The following ITSN1 variants were observed in gnomAD, a reference collection of about 807,000 sequenced individuals.
ITSN1 encodes intersectin 1.
Under a neutral mutation model 239.8 loss-of-function variants are expected in ITSN1, and 58 were observed. The observed-to-expected ratio is 0.24, with a 90% confidence interval of 0.20 to 0.30. The LOEUF (loss-of-function observed/expected upper bound fraction) is 0.30. ITSN1 is among the 10% of genes least tolerant of loss of function. The pLI, the probability that ITSN1 is intolerant of heterozygous loss-of-function variation, is 1.00. For synonymous variants in ITSN1, 780 were observed against 770.8 expected, an observed-to-expected ratio of 1.01 and a Z score of -0.20; for missense variants, 1,558 against 2,103.3, an observed-to-expected ratio of 0.74 and a Z score of 5.07.
chr21:33,739,562 T>TA (rs1165147192), intron 5 of ITSN1, among the ~76,000 whole-genome samples: 1 of 152,080 alleles, frequency 6.6e-6, no homozygotes, highest in Non-Finnish European at 1.5e-5. Flanking sequence ...ATAAGTTCAT[T>TA]AAAACAGAGT....
intron 4 of ITSN1, among the ~76,000 whole-genome samples, chr21:33,734,677 G>A (rs980283312): frequency 3.3e-5 from 5 of 152,122 alleles, no homozygotes; most frequent in African/African-American, 7.2e-5. Context: ...AAATTTACTC[G>A]TTTAAAGTAT....
At chr21:33,761,036 C>CTT (rs765976928) in intron 8 of ITSN1, among the ~76,000 whole-genome samples, 7 of 134,054 alleles carry the variant, frequency 5.2e-5, no homozygotes, top group African/African-American at 1.1e-4. Context: ...AGGAATTCTT[C>CTT]TTTTTTTTTT....
rs1045055324 is a variant in ITSN1 at position 33,897,959 on chromosome 21, G to A, written c.*9659G>A. ...AAATTTCAGTGTAATGGATGGTGGC[G>A]TGATCAAATGAAAAGTATCCTGTAG... On this transcript the variant is annotated 3_prime_UTR_variant, in exon 40 of 40. Transcript: ENST00000381318. 2 of 152,092 alleles carry A rather than the reference G, an allele frequency of 1.3e-5. No individual in the cohort carries two copies. The highest frequency in any genetic ancestry group is 6.6e-5 in the Admixed American group (1 of 15,264). The allele number at this position is 152,092 out of a possible 1,614,324, so 9.4% of individuals were successfully genotyped here. A position where few individuals can be genotyped will look rare whatever the true frequency, so the allele number is the denominator to read the frequency against.
chr21:33,672,892 C>T (rs1173912972), intron 1 of ITSN1, among the ~76,000 whole-genome samples: 1 of 151,902 alleles, frequency 6.6e-6, no homozygotes, highest in Non-Finnish European at 1.5e-5. Context: ...TTGTATTTTT[C>T]GTAGAGATAG....
At chr21:33,747,771 A>G (rs1045041416) in intron 5 of ITSN1, among the ~76,000 whole-genome samples, 1 of 152,248 alleles carries the variant, frequency 6.6e-6, no homozygotes, top group African/African-American at 2.4e-5. Flanking sequence ...TGACTTTTTC[A>G]AATAAACAAA....
chr21:33,834,506 T>C (rs1381732546), intron 28 of ITSN1, 82 bp downstream of exon 28: 3 of 996,364 alleles, frequency 3.0e-6, no homozygotes, highest in Non-Finnish European at 4.7e-6. Context: ...TTAAATATCT[T>C]AGGTTGTTTT....
At chr21:33,799,726 G>A in intron 18 of ITSN1, 82 bp from the exon 19 acceptor site, 3 of 1,451,498 alleles carry the variant, frequency 2.1e-6, no homozygotes, top group Non-Finnish European at 2.9e-6. Context: ...TAGAGGAGAG[G>A]TTAGTTGTTT....
intron 29 of ITSN1, among the ~76,000 whole-genome samples, chr21:33,850,590 C>T (rs1044958698): frequency 1.3e-5 from 2 of 152,212 alleles, no homozygotes; most frequent in Non-Finnish European, 2.9e-5. Context: ...GACAAGGACC[C>T]GGACTGCCTC....
In ITSN1 at chr21:33,715,344, G is replaced by T. The variant is rs558120864; in HGVS notation, c.-32-3453G>T. Among the ~76,000 whole-genome samples, 106 of 152,166 alleles carry T rather than the reference G, an allele frequency of 7.0e-4. 1 individual carries two copies. The South Asian group carries it at 0.015, about 21-fold the overall frequency. On this transcript the variant is annotated intron_variant, in intron 1 of 39. Coordinates refer to ENST00000381318, the MANE Select transcript of ITSN1 (RefSeq NM_003024.3). ...GTAAAGTAGCTGGATACAAAGAAGA[G>T]AAATCAATAACCTCTTTATTTTGCA...
At chr21:33,759,881 C>T (rs548146820) in intron 8 of ITSN1, among the ~76,000 whole-genome samples, 1 of 152,022 alleles carries the variant, frequency 6.6e-6, no homozygotes, top group Admixed American at 6.5e-5. Context: ...GGGTGGATCA[C>T]GTGAGGTCAG....
intron 1 of ITSN1, among the ~76,000 whole-genome samples, chr21:33,705,695 A>G (rs889180858): frequency 3.9e-5 from 6 of 152,076 alleles, no homozygotes; most frequent in African/African-American, 1.4e-4. Context: ...CCTGGCTAAA[A>G]CCTACATTTT....
chr21:33,796,073 CCTGCCT>C (rs1489413456), intron 17 of ITSN1, among the ~76,000 whole-genome samples: 12 of 151,950 alleles, frequency 7.9e-5, no homozygotes, highest in African/African-American at 2.7e-4. Flanking sequence ...AACCGACTCT[CCTGCCT>C]CAGCTTCCCA....
rs1184959164 is a variant in ITSN1, at chr21:33,767,802, A to G, written c.1016A>G (p.Gln339Arg). The change falls in exon 11 of 40, where the codon CAA (glutamine) becomes CGA (arginine). Residue 339 changes from glutamine to arginine, a missense_variant. By Grantham distance (43) the Gln-to-Arg change is conservative. Around this residue, in one of 2 missense-constraint regions of ITSN1, gnomAD observed 982 missense variants for 1,209.9 expected, o/e 0.81. Coordinates refer to ENST00000381318, the MANE Select transcript of ITSN1 (RefSeq NM_003024.3). ...LPEEPVLEDE[Q>R]QQLEKKLPVT... Reference sequence around the variant, plus strand: ...GAGGAACCAGTTTTAGAAGATGAACAACAACAATTAGAAAAGAAATTACCT... The same window carrying G: ...GAGGAACCAGTTTTAGAAGATGAACGACAACAATTAGAAAAGAAATTACCT... 1 of 1,607,396 alleles carries G rather than the reference A, an allele frequency of 6.2e-7. No individual in the cohort carries two copies. The highest frequency in any genetic ancestry group is 8.5e-7 in the Non-Finnish European group (1 of 1,174,210).
intron 2 of ITSN1, among the ~76,000 whole-genome samples, chr21:33,720,934 A>G (rs1249097516): frequency 6.6e-6 from 1 of 152,214 alleles, no homozygotes; most frequent in African/African-American, 2.4e-5. Flanking sequence ...GTTTCTAAAA[A>G]AGGAATGTGT....
chr21:33,662,206 T>C (rs1359078730), intron 1 of ITSN1, among the ~76,000 whole-genome samples: 2 of 152,156 alleles, frequency 1.3e-5, no homozygotes, highest in Non-Finnish European at 2.9e-5. Context: ...TCCCTTATCC[T>C]TTAGGCCTAA....
At chr21:33,833,003 G>A (rs545006326) in intron 27 of ITSN1, among the ~76,000 whole-genome samples, 36 of 152,016 alleles carry the variant, frequency 2.4e-4, no homozygotes, top group African/African-American at 8.4e-4. Flanking sequence ...CTTGTTTCTA[G>A]ACGTGTGTGT....
chr21:33,755,569 C>T (rs2067850628), intron 8 of ITSN1, among the ~76,000 whole-genome samples, 172 bp downstream of exon 8: 1 of 152,164 alleles, frequency 6.6e-6, no homozygotes, highest in African/African-American at 2.4e-5. Flanking sequence ...ATAGTTATAT[C>T]ATTCTCTCAT....
chr21:33,838,269 C>T (rs145440600), intron 29 of ITSN1: 10 of 985,404 alleles, frequency 1.0e-5, no homozygotes, highest in Admixed American at 1.2e-4. Flanking sequence ...ACTCCCCTCG[C>T]GTTCTCCCGG....
At chr21:33,843,631 A>G (rs1427097774) in intron 29 of ITSN1, among the ~76,000 whole-genome samples, 2 of 152,210 alleles carry the variant, frequency 1.3e-5, no homozygotes, top group African/African-American at 4.8e-5. Flanking sequence ...ATTTTGGAAC[A>G]TTCTATTTCC....
Sources: gnomAD v4.1 joint callset for allele counts (sites outside exome capture counted in the v4.1 genomes callset) on GRCh38, gnomAD v4.1.1 for gene constraint, gnomAD v4.1.1 regional missense constraint, MANE v1.5 for transcripts, NCBI Gene and HGNC (gene_info 2026-07-23, HGNC 2026-07-21) for gene names.